Variants in ZNF410 observed in about 807,000 individuals in gnomAD.
ZNF410 encodes another partner for ARF 1.
ZNF410 carries 18 observed loss-of-function variants against 54.8 expected under a neutral mutation model. That is an observed-to-expected ratio of 0.33 (90% CI 0.23 to 0.49). The LOEUF (loss-of-function observed/expected upper bound fraction) is 0.49, where lower values mean the gene tolerates loss of function less well. Among genes scored for constraint, ZNF410 ranks in the 20% least tolerant of loss-of-function variants. The probability of loss-of-function intolerance (pLI) is 0.99; values close to 1 mark genes in which losing one functional copy is unlikely to be tolerated. For synonymous variants in ZNF410, 191 were observed against 207.3 expected, an observed-to-expected ratio of 0.92 and a Z score of 0.68; for missense variants, 405 against 569.6, an observed-to-expected ratio of 0.71 and a Z score of 2.94.
intron 8 of ZNF410, among the ~76,000 whole-genome samples, chr14:73,919,712 A>G (rs977746437): frequency 5.3e-5 from 8 of 152,016 alleles, no homozygotes; most frequent in African/African-American, 1.9e-4. Flanking sequence ...GGTTGATTCC[A>G]TGTCTTTGCT....
chr14:73,915,801 G>C (rs190385968), intron 8 of ZNF410: 1 of 152,148 alleles, frequency 6.6e-6, no homozygotes, highest in Non-Finnish European at 1.5e-5. Context: ...TCTTGTTTTT[G>C]TACTGTATGC....
chr14:73,898,356 T>C lies in ZNF410; in HGVS notation c.580+94T>C. The C allele has an allele frequency of 2.3e-6, 3 of 1,281,192 alleles. No individual in the cohort carries two copies. In the South Asian group the frequency reaches 3.8e-5, roughly 16 times the overall value. 79.4% of individuals were successfully genotyped at this position (1,281,192 alleles called of 1,614,324 possible). On this transcript the variant is annotated intron_variant, in intron 5 of 11. Coordinates refer to ENST00000555044, the MANE Select transcript of ZNF410 (RefSeq NM_021188.3). ...TTGAGTTGTATATAATTTAAATTAT[T>C]CTATTGATGAGAGCAGAAGGCTAGA...
chr14:73,914,673 G>C (rs1485429901), intron 8 of ZNF410: 1 of 134,662 alleles, frequency 7.4e-6, no homozygotes, highest in East Asian at 2.2e-4. Flanking sequence ...CTGTCACCCA[G>C]GCTGGAGTGC....
chr14:73,900,669 G>A (rs560935114), intron 5 of ZNF410, among the ~76,000 whole-genome samples: 4 of 152,050 alleles, frequency 2.6e-5, no homozygotes, highest in Non-Finnish European at 4.4e-5. Flanking sequence ...GCCACCGTGC[G>A]TGGTCCCACA....
intron 8 of ZNF410, among the ~76,000 whole-genome samples, chr14:73,911,577 G>A (rs1004572659): frequency 5.3e-5 from 8 of 152,092 alleles, no homozygotes; most frequent in Non-Finnish European, 8.8e-5. Flanking sequence ...ATTGTAGAGC[G>A]TTTTTATTTT....
At chr14:73,922,257 G>A (rs770586102) in intron 10 of ZNF410, 51 bp downstream of exon 10, 7 of 1,575,866 alleles carry the variant, frequency 4.4e-6, no homozygotes, top group Non-Finnish European at 5.2e-6. Flanking sequence ...GCAACTAGGG[G>A]CTAAGGAATG....
chr14:73,923,359 C>A, intron 10 of ZNF410, 36 bp from the exon 11 acceptor site: 1 of 1,603,884 alleles, frequency 6.2e-7, no homozygotes, highest in East Asian at 2.2e-5. Flanking sequence ...TCTCTGGATT[C>A]ACTTTTCATT....
At chr14:73,911,488 TATG>T (rs1485334522) in intron 8 of ZNF410, among the ~76,000 whole-genome samples, 2 of 152,210 alleles carry the variant, frequency 1.3e-5, no homozygotes, top group Non-Finnish European at 2.9e-5. Flanking sequence ...AGTTTTTTAA[TATG>T]ATGACAAGTT....
intron 5 of ZNF410, among the ~76,000 whole-genome samples, chr14:73,899,003 T>G (rs1238153379): frequency 1.3e-5 from 2 of 152,232 alleles, no homozygotes; most frequent in South Asian, 2.1e-4. Context: ...TTATGTAGCA[T>G]GTCATGGATA....
chr14:73,903,281 T>A (rs980956093), intron 5 of ZNF410, among the ~76,000 whole-genome samples: 4 of 152,198 alleles, frequency 2.6e-5, no homozygotes, highest in African/African-American at 4.8e-5. Context: ...TGTAGCACCC[T>A]ACTCAGGGAT....
chr14:73,924,683 C>CT (rs71305806), intron 11 of ZNF410: 66,106 of 329,996 alleles, frequency 0.2, 1,552 homozygotes, highest in Admixed American at 0.27. Context: ...CTTTTCTTTT[C>CT]TTTTTTTTTT....
At chr14:73,917,486 A>G (rs2055685197) in intron 8 of ZNF410, among the ~76,000 whole-genome samples, 1 of 152,124 alleles carries the variant, frequency 6.6e-6, no homozygotes, top group Non-Finnish European at 1.5e-5. Flanking sequence ...CAGGTTATTT[A>G]AGTTGAGATA....
At chr14:73,898,351 A>G in intron 5 of ZNF410, 89 bp downstream of exon 5, 1 of 1,320,726 alleles carries the variant, frequency 7.6e-7, no homozygotes, top group South Asian at 1.2e-5. Context: ...TATAATTTAA[A>G]TTATTCTATT....
chr14:73,903,535 G>A (rs1191420988), intron 5 of ZNF410, among the ~76,000 whole-genome samples: 1 of 151,884 alleles, frequency 6.6e-6, no homozygotes, highest in Non-Finnish European at 1.5e-5. Context: ...TGTCACCCAG[G>A]CTGGAGTGCA....
At chr14:73,923,618 T>C in intron 11 of ZNF410, 96 bp downstream of exon 11, 2 of 1,468,868 alleles carry the variant, frequency 1.4e-6, no homozygotes, top group Non-Finnish European at 1.8e-6. Context: ...TTCCATTTCC[T>C]GGAAACTTTG....
At chr14:73,930,648 A>G (rs11624140) in intron 11 of ZNF410, among the ~76,000 whole-genome samples, 46,438 of 151,688 alleles carry the variant, frequency 0.31, 9,041 homozygotes, top group Non-Finnish European at 0.42. Flanking sequence ...CTCAGGCTGG[A>G]GTGCAGTGCA....
intron 11 of ZNF410, among the ~76,000 whole-genome samples, chr14:73,929,347 C>CA (rs910478111): frequency 1.3e-5 from 2 of 152,094 alleles, no homozygotes; most frequent in Non-Finnish European, 2.9e-5. Flanking sequence ...GCTATTTCTC[C>CA]AGTGAGTGAG....
intron 5 of ZNF410, among the ~76,000 whole-genome samples, chr14:73,903,238 CAG>C (rs1375693321): frequency 3.3e-5 from 5 of 152,284 alleles, no homozygotes; most frequent in Non-Finnish European, 7.4e-5. Flanking sequence ...AAGCAAAATA[CAG>C]AGTTTTTATT....
At chr14:73,890,337 C>T (rs1237011785) in intron 1 of ZNF410, among the ~76,000 whole-genome samples, 2 of 151,942 alleles carry the variant, frequency 1.3e-5, no homozygotes, top group Non-Finnish European at 2.9e-5. Context: ...TACAGGCACC[C>T]GCCACATGCC....
Sources: gnomAD v4.1 joint callset for allele counts (sites outside exome capture counted in the v4.1 genomes callset) on GRCh38, gnomAD v4.1.1 for gene constraint, MANE v1.5 for transcripts, NCBI Gene and HGNC (gene_info 2026-07-23, HGNC 2026-07-21) for gene names.